LRRN2: variants seen among roughly 807,000 people sequenced by gnomAD.
LRRN2 encodes the protein leucine-rich repeat neuronal protein 2.
Under a neutral mutation model 35.7 loss-of-function variants are expected in LRRN2, and 10 were observed. That is an observed-to-expected ratio of 0.28 (90% confidence interval 0.17 to 0.47). The LOEUF is 0.47. Among genes scored for constraint, LRRN2 ranks in the 20% least tolerant of loss-of-function variants. The pLI, the probability that LRRN2 is intolerant of heterozygous loss-of-function variation, is 0.99. For missense variants in LRRN2, 731 were observed against 940.3 expected, an observed-to-expected ratio of 0.78 and a Z score of 2.91; for synonymous variants, 391 against 409.6, an observed-to-expected ratio of 0.95 and a Z score of 0.55.
chr1:204,617,555 G>A lies in LRRN2; in HGVS notation c.*296C>T, dbSNP rs922932228. 16 of 399,268 alleles carry A rather than the reference G, an allele frequency of 4.0e-5. No individual in the cohort carries two copies. The highest frequency in any genetic ancestry group is 1.7e-4 in the Admixed American group (4 of 23,640). 24.7% of individuals were successfully genotyped at this position (399,268 alleles called of 1,614,324 possible). On this transcript the variant is annotated 3_prime_UTR_variant, in exon 2 of 2. Coordinates refer to ENST00000367177, the MANE Select transcript of LRRN2 (RefSeq NM_201630.2). Reference sequence around the variant, plus strand: ...TAGGGGACAGCCAAGCCAGGCCCAGGAGCCTCTGGGCAGAGAGAAGATGGG... The same window carrying A: ...TAGGGGACAGCCAAGCCAGGCCCAGAAGCCTCTGGGCAGAGAGAAGATGGG...
intron 1 of LRRN2, among the ~76,000 whole-genome samples, chr1:204,684,969 C>T (rs1035426405): frequency 6.6e-6 from 1 of 152,184 alleles, no homozygotes; most frequent in African/African-American, 2.4e-5. Context: ...CCACTCTACC[C>T]AGCAACAGTT....
intron 1 of LRRN2, among the ~76,000 whole-genome samples, chr1:204,655,460 T>TA (rs113158616): frequency 0.41 from 61,724 of 151,742 alleles, 13,797 homozygotes; most frequent in Admixed American, 0.51. Flanking sequence ...GCTAATTTTT[T>TA]AAAAATGTTT....
At chr1:204,650,374 G>C (rs1411668517) in intron 1 of LRRN2, among the ~76,000 whole-genome samples, 3 of 152,218 alleles carry the variant, frequency 2.0e-5, no homozygotes, top group Non-Finnish European at 4.4e-5. Context: ...GCGCAGGCCA[G>C]ACAGGCTCTG....
chr1:204,651,790 CA>C (rs1376715164), intron 1 of LRRN2, among the ~76,000 whole-genome samples: 1 of 152,182 alleles, frequency 6.6e-6, no homozygotes, highest in African/African-American at 2.4e-5. Context: ...AAAACTCTTT[CA>C]AATGGGGACT....
chr1:204,683,072 G>C (rs1668989066), intron 1 of LRRN2: 3 of 152,246 alleles, frequency 2.0e-5, no homozygotes, highest in Admixed American at 2.0e-4. Flanking sequence ...AAAAGCCATG[G>C]AGTTTCCTTT....
At chr1:204,652,262 C>CG (rs1196292762) in intron 1 of LRRN2, among the ~76,000 whole-genome samples, 1 of 19,840 alleles carries the variant, frequency 5.0e-5, no homozygotes, top group Non-Finnish European at 1.2e-4. Context: ...TCTTCACCGC[C>CG]CCCCCCCCGC....
chr1:204,635,599 G>C (rs143691204), intron 1 of LRRN2, among the ~76,000 whole-genome samples: 11 of 152,206 alleles, frequency 7.2e-5, no homozygotes, highest in Non-Finnish European at 1.2e-4. Flanking sequence ...TCACGAGATG[G>C]CTGGTATCCC....
At chr1:204,644,048 C>A (rs529615477) in intron 1 of LRRN2, among the ~76,000 whole-genome samples, 208 of 152,244 alleles carry the variant, frequency 1.4e-3, no homozygotes, top group African/African-American at 4.6e-3. Flanking sequence ...AACAGGCACT[C>A]AATAAATGGG....
At chr1:204,669,461 G>A (rs1668661137) in intron 1 of LRRN2, among the ~76,000 whole-genome samples, 1 of 152,218 alleles carries the variant, frequency 6.6e-6, no homozygotes, top group Non-Finnish European at 1.5e-5. Flanking sequence ...TAGAGTCACA[G>A]CCTAGTGGCA....
At chr1:204,655,243 T>C (rs1668322827) in intron 1 of LRRN2, among the ~76,000 whole-genome samples, 1 of 152,234 alleles carries the variant, frequency 6.6e-6, no homozygotes, top group African/African-American at 2.4e-5. Context: ...CTTGATGGCA[T>C]CCCTACTTCA....
intron 1 of LRRN2, among the ~76,000 whole-genome samples, chr1:204,652,268 C>A (rs201619568): frequency 4.9e-5 from 3 of 61,370 alleles, no homozygotes; most frequent in Non-Finnish European, 6.6e-5. Flanking sequence ...CCGCCCCCCC[C>A]CCGCCCCCCC....
chr1:204,660,195 GTCCACCCTCGTTTCTCCTTCCAGC>G (rs35765726), intron 1 of LRRN2, among the ~76,000 whole-genome samples: 142,558 of 147,628 alleles, frequency 0.97, 68,944 homozygotes, highest in East Asian at 1. Flanking sequence ...CAGGTCTCCC[GTCCACCCTCGTTTCTCCTTCCAGC>G]TCCACCCTCG....
chr1:204,681,256 C>T (rs545428627), intron 1 of LRRN2, among the ~76,000 whole-genome samples: 10 of 152,280 alleles, frequency 6.6e-5, no homozygotes, highest in East Asian at 3.9e-4. Context: ...GGCTGAGAGT[C>T]GCCTTTTTAT....
chr1:204,619,518 TG>T lies in LRRN2; in HGVS notation c.474del (p.Arg159GlyfsTer19). 6.2e-7 allele frequency: 1 copy of T among 1,614,188 alleles called. No individual in the cohort carries two copies. Among genetic ancestry groups the T allele is most frequent in the African/African-American group, 1.3e-5 (1 of 75,054 alleles). On this transcript the variant is annotated frameshift_variant, in exon 2 of 2. Coordinates refer to ENST00000367177, the MANE Select transcript of LRRN2 (RefSeq NM_201630.2). LOFTEE classifies it high-confidence loss of function. ...AAGTTGCTGAGGCCAGAAAAGGCCC[TG>T]GGGGCGATGCGGTAGAGCTGGTTGT... ...LNHNQLYRIA[P>X]RAFSGLSNLL...
Position 204,618,189 on chromosome 1 carries a change from C to A in LRRN2, c.1804G>T (p.Ala602Ser), listed in dbSNP as rs753021498. ...CAAGCCAACTGGGTGTGGGCATCAGCAAAGGCCACTTGCAGGCAGGCCCAG... is the reference window on the plus strand; with the variant it reads ...CAAGCCAACTGGGTGTGGGCATCAGAAAAGGCCACTTGCAGGCAGGCCCAG... ...EYWACLQVAF[A>S]DAHTQLACVW... Residue 602 changes from alanine (A) to serine (S), a missense_variant, in exon 2 of 2, where the codon GCT becomes TCT. Physicochemically the swap from Ala to Ser is moderately conservative, Grantham distance 99 (BLOSUM62 1). This residue lies in a region of LRRN2 where 229 missense variants were observed against 258.4 expected (regional missense o/e 0.89). Transcript: ENST00000367177. The A allele has an allele frequency of 1.9e-6, 3 of 1,614,164 alleles. No homozygotes were observed. The highest frequency in any genetic ancestry group is 2.5e-6 in the Non-Finnish European group (3 of 1,180,020).
intron 1 of LRRN2, among the ~76,000 whole-genome samples, chr1:204,682,432 T>C (rs925738657): frequency 2.6e-5 from 4 of 152,180 alleles, no homozygotes; most frequent in African/African-American, 4.8e-5. Context: ...TTAGTATAAG[T>C]GTACAAGTTA....
At chr1:204,624,746 TCCCCC>T (rs71147707) in intron 1 of LRRN2, among the ~76,000 whole-genome samples, 2 of 87,456 alleles carry the variant, frequency 2.3e-5, no homozygotes, top group African/African-American at 3.9e-5. Context: ...CCCTGGCGGT[TCCCCC>T]CCCACCCCCC....
In LRRN2 at chr1:204,655,967, T is replaced by C. The variant is rs573376102; in HGVS notation, c.-227+29353A>G. Among the ~76,000 whole-genome samples the C allele has an allele frequency of 3.2e-3, 483 of 152,320 alleles. 6 individuals carry two copies. The highest frequency in any genetic ancestry group is 0.011 in the African/African-American group (463 of 41,578). On this transcript the variant is annotated intron_variant, in intron 1 of 1. Transcript: ENST00000367177. The stretch of plus-strand genomic sequence containing the variant: ...CTCTGTCGCCCAGGCTGGAGTGCAG[T>C]GGCGCGATCTCGGCTCACTGCAAGC...
intron 1 of LRRN2, among the ~76,000 whole-genome samples, chr1:204,623,704 G>C (rs1201758156): frequency 6.6e-6 from 1 of 152,188 alleles, no homozygotes; most frequent in African/African-American, 2.4e-5. Flanking sequence ...TAATCTCCAG[G>C]GGTGATCAGG....
Sources: allele counts gnomAD v4.1 joint callset (sites outside exome capture counted in the v4.1 genomes callset), GRCh38; gene constraint gnomAD v4.1.1; regional missense constraint gnomAD v4.1.1; transcripts MANE v1.5; gene names NCBI Gene and HGNC (gene_info 2026-07-23, HGNC 2026-07-21).